PGM2: variants seen among roughly 807,000 people sequenced by gnomAD.
The protein encoded by PGM2 is phosphoglucomutase 2.
A neutral mutation model predicts 74.6 loss-of-function variants in PGM2; 57 were observed. The ratio of observed to expected loss-of-function variants is 0.76; its 90% CI spans 0.62 to 0.95. The LOEUF (loss-of-function observed/expected upper bound fraction) is 0.95, where lower values mean the gene tolerates loss of function less well. PGM2 is among the 40% of genes least tolerant of loss of function. The pLI is 0.00. For missense variants in PGM2, 706 were observed against 741.9 expected (o/e 0.95, Z 0.56); for synonymous variants, 273 against 260.7 (o/e 1.05, Z -0.46).
intron 13 of PGM2, among the ~76,000 whole-genome samples, chr4:37,860,797 T>A (rs2152183117): frequency 6.6e-6 from 1 of 152,324 alleles, no homozygotes; most frequent in African/African-American, 2.4e-5. Flanking sequence ...GCTGTATCTG[T>A]TACTTAACCT....
intron 13 of PGM2, among the ~76,000 whole-genome samples, chr4:37,860,368 G>A (rs1451992607): frequency 1.3e-5 from 2 of 152,180 alleles, no homozygotes; most frequent in East Asian, 1.9e-4. Flanking sequence ...AGGTCTTTGG[G>A]CCAGGTTCAG....
At chr4:37,853,135 T>G (rs6531584) in intron 12 of PGM2, among the ~76,000 whole-genome samples, 80,859 of 151,882 alleles carry the variant, frequency 0.53, 22,176 homozygotes, top group Non-Finnish European at 0.61. Flanking sequence ...ATAACTAATT[T>G]ATTAAAAATA....
chr4:37,861,365 T>A, intron 13 of PGM2, 145 bp from the exon 14 acceptor site: 2 of 583,236 alleles, frequency 3.4e-6, no homozygotes, highest in Non-Finnish European at 3.1e-6. Context: ...GTTCCATGCT[T>A]AAGTCTCTGG....
chr4:37,853,306 GT>G (rs1292557131), intron 12 of PGM2, among the ~76,000 whole-genome samples: 1 of 150,240 alleles, frequency 6.7e-6, no homozygotes, highest in Non-Finnish European at 1.5e-5. Context: ...CCCAGCTAAG[GT>G]TTTTTAGTTT....
At chr4:37,837,796 G>C (rs1393694935) in intron 4 of PGM2, among the ~76,000 whole-genome samples, 183 bp downstream of exon 4, 6 of 151,938 alleles carry the variant, frequency 3.9e-5, no homozygotes, top group Admixed American at 6.6e-5. Flanking sequence ...ATATTTCTCT[G>C]GTATTCAACT....
At chr4:37,842,048 G>A (rs774585178) in intron 6 of PGM2, among the ~76,000 whole-genome samples, 80 of 151,962 alleles carry the variant, frequency 5.3e-4, no homozygotes, top group Admixed American at 1.6e-3. Context: ...CATTTTTCCT[G>A]ATTTGCTAGT....
In PGM2 at chr4:37,832,879, C is replaced by T. The variant is rs867123426; in HGVS notation, c.250-1739C>T. 5.9e-5 allele frequency among the ~76,000 whole-genome samples: 9 copies of T among 152,130 alleles called. 1 individual carries two copies. The highest frequency in any genetic ancestry group is 2.1e-4 in the South Asian group (1 of 4,824). ...TAACATTTTATTTCTGAAAACCTCCCTCTTCCCCCACTGAGTCTTTCATCT... is the reference window on the plus strand; with the variant it reads ...TAACATTTTATTTCTGAAAACCTCCTTCTTCCCCCACTGAGTCTTTCATCT... On this transcript the variant is annotated intron_variant, in intron 2 of 13. Transcript: ENST00000381967.
intron 2 of PGM2, among the ~76,000 whole-genome samples, chr4:37,834,351 A>T (rs1378063197): frequency 1.3e-5 from 2 of 152,104 alleles, no homozygotes; most frequent in Non-Finnish European, 2.9e-5. Flanking sequence ...AAAAAAAAAA[A>T]ATTTCCTAAC....
intron 8 of PGM2, 91 bp downstream of exon 8, chr4:37,845,821 G>C (rs555385375): frequency 4.8e-6 from 4 of 833,678 alleles, no homozygotes; most frequent in Non-Finnish European, 8.1e-6. Flanking sequence ...GGACCTATTT[G>C]GAAACATTTC....
intron 2 of PGM2, among the ~76,000 whole-genome samples, chr4:37,831,553 C>T (rs1258333744): frequency 1.3e-5 from 2 of 152,218 alleles, no homozygotes; most frequent in Non-Finnish European, 1.5e-5. Context: ...TTCATTCACA[C>T]GTCTGAAATT....
intron 3 of PGM2, among the ~76,000 whole-genome samples, chr4:37,835,589 A>T (rs543698240): frequency 1.3e-5 from 2 of 152,210 alleles, no homozygotes; most frequent in Non-Finnish European, 2.9e-5. Context: ...CTAGAGTATC[A>T]GTATTAGTAG....
Position 37,850,252 on chromosome 4 carries a change from T to C in PGM2, c.1481T>C (p.Phe494Ser), listed in dbSNP as rs561884243. The C allele has an allele frequency of 1.9e-6, 3 of 1,583,180 alleles. No individual in the cohort carries two copies. The highest frequency in any genetic ancestry group is 2.0e-5 in the Admixed American group (1 of 50,122). Residue 494 changes from phenylalanine to serine, a missense_variant, in exon 12 of 14, where the codon TTT becomes TCT. Phe to Ser is a radical substitution (Grantham distance 155). Transcript: ENST00000381967. ...GATCAAGAAACCATTAAGAAATTAT[T>C]TGAAAACCTCAGAAACTACGATGGA... ...CHDQETIKKLFENLRNYDGKN... is the reference protein window; with the variant it reads ...CHDQETIKKLSENLRNYDGKN...
intron 6 of PGM2, among the ~76,000 whole-genome samples, chr4:37,841,100 A>ATATATATATGTGTG (rs1202149456): frequency 4.3e-5 from 5 of 115,784 alleles, no homozygotes; most frequent in East Asian, 3.0e-4. Context: ...ATATATATAT[A>ATATATATATGTGTG]TGTGTGTGTG....
Position 37,861,537 on chromosome 4 carries a change from G to C in PGM2, c.1764G>C (p.Leu588=). Residue 588 remains leucine, a synonymous_variant, in exon 14 of 14, where the codon CTG becomes CTC. Coordinates refer to ENST00000381967, the MANE Select transcript of PGM2 (RefSeq NM_018290.4). ...ATCCTGAGCAGCTGAAGAAGGAACT[G>C]AATGAACTGGTCAGTGCTATTGAAG... ...NSDPEQLKKE[L]NELVSAIEEH... is the part of the protein sequence containing the mutation. 1 of 1,612,604 alleles carries C rather than the reference G, an allele frequency of 6.2e-7. No individual in the cohort carries two copies. Among genetic ancestry groups the C allele is most frequent in the South Asian group, 1.1e-5 (1 of 91,006 alleles).
chr4:37,846,334 T>A (rs1266953886), intron 8 of PGM2, among the ~76,000 whole-genome samples: 1 of 152,160 alleles, frequency 6.6e-6, no homozygotes, highest in Non-Finnish European at 1.5e-5. Flanking sequence ...ATGGTAGGGT[T>A]TTCAGATTGT....
At chr4:37,850,526 T>G (rs554558770) in intron 12 of PGM2, among the ~76,000 whole-genome samples, 153 bp downstream of exon 12, 1 of 152,356 alleles carries the variant, frequency 6.6e-6, no homozygotes, top group South Asian at 2.1e-4. Flanking sequence ...GGAAGCCGGA[T>G]GTGGTGGCTC....
chr4:37,841,157 T>TG lies in PGM2; in HGVS notation c.719+898_719+899insG, dbSNP rs1450312247. On this transcript the variant is annotated intron_variant, in intron 6 of 13. Coordinates refer to ENST00000381967, the MANE Select transcript of PGM2 (RefSeq NM_018290.4). Reference sequence around the variant, plus strand: ...TACTTCAAAACCATAAATAGGAATATTTGTGTGTGTGTGTGTGTGTGTGTG... The same window carrying TG: ...TACTTCAAAACCATAAATAGGAATATGTTGTGTGTGTGTGTGTGTGTGTGTG... Among the ~76,000 whole-genome samples the TG allele has an allele frequency of 2.0e-3, 190 of 94,524 alleles. 2 individuals carry two copies. The highest frequency in any genetic ancestry group is 7.3e-3 in the African/African-American group (134 of 18,390). The allele number at this position is 94,524 out of a possible 152,430, so 62.0% of individuals were successfully genotyped here.
Position 37,848,541 on chromosome 4 carries a change from T to A in PGM2, c.1302T>A (p.Phe434Leu). 1 of 1,613,722 alleles carries A rather than the reference T, an allele frequency of 6.2e-7. No homozygotes were observed. Among genetic ancestry groups the A allele is most frequent in the Non-Finnish European group, 8.5e-7 (1 of 1,179,694 alleles). ...CTGCAGGATACATGTGCTGCCCTTT[T>A]GTTCTGGACAAAGATGGAGTCAGTG... ...EEAIGYMCCP[F>L]VLDKDGVSAA... Residue 434 changes from phenylalanine to leucine, a missense_variant, in exon 11 of 14, where the codon TTT becomes TTA. Coordinates refer to ENST00000381967, the MANE Select transcript of PGM2 (RefSeq NM_018290.4).
At chr4:37,826,919 C>A in intron 1 of PGM2, 106 bp downstream of exon 1, 1 of 665,132 alleles carries the variant, frequency 1.5e-6, no homozygotes, top group Non-Finnish European at 2.5e-6. Context: ...CCGCCCAGTG[C>A]ATCCCGCTTC....
Sources: allele counts gnomAD v4.1 joint callset (sites outside exome capture counted in the v4.1 genomes callset), GRCh38; gene constraint gnomAD v4.1.1; transcripts MANE v1.5; gene names NCBI Gene and HGNC (gene_info 2026-07-23, HGNC 2026-07-21).